The following MRAS variants were observed in gnomAD, a reference collection of about 807,000 sequenced individuals.
MRAS encodes the protein ras-related protein M-Ras.
A neutral mutation model predicts 20.9 loss-of-function variants in MRAS; 4 were observed. The observed-to-expected ratio is 0.19, with a 90% confidence interval of 0.09 to 0.44. The LOEUF is 0.44. Among genes scored for constraint, MRAS ranks in the 20% least tolerant of loss-of-function variants. The pLI is 0.99. For missense variants in MRAS, 154 were observed against 277.5 expected (o/e 0.56, Z 3.16); for synonymous variants, 98 against 102.9 (o/e 0.95, Z 0.29).
At chr3:138,402,098 AG>A in intron 5 of MRAS, 71 bp from the exon 6 acceptor site, 2 of 1,407,974 alleles carry the variant, frequency 1.4e-6, no homozygotes, top group Non-Finnish European at 2.0e-6. Context: ...ATCTGGGGCT[AG>A]GGAGGAGAGG....
intron 1 of MRAS, among the ~76,000 whole-genome samples, chr3:138,355,775 A>G (rs1259567569): frequency 1.3e-5 from 2 of 152,196 alleles, no homozygotes; most frequent in Non-Finnish European, 2.9e-5. Context: ...TACTAAAAAT[A>G]TAAAACTTAG....
chr3:138,398,527 A>C lies in MRAS; in HGVS notation c.406A>C (p.Ile136Leu). The C allele has an allele frequency of 6.2e-6, 10 of 1,614,214 alleles. No homozygotes were observed. The highest frequency in any genetic ancestry group is 6.8e-6 in the Non-Finnish European group (8 of 1,180,038). The change falls in exon 4 of 6, where the codon ATC becomes CTC. Residue 136 changes from isoleucine (I) to leucine (L), a missense_variant. By Grantham distance (5) the Ile-to-Leu change is conservative (BLOSUM62 2). Around this residue, in one of 3 missense-constraint regions of MRAS, gnomAD observed 125 missense variants for 213.5 expected, o/e 0.59. Coordinates refer to ENST00000423968, the MANE Select transcript of MRAS (RefSeq NM_001085049.3). ...NKVDLMHLRK[I>L]TREQGKEMAT... ...GGTCGATTTGATGCACTTGAGGAAG[A>C]TCACCAGGGAGCAAGGAAAAGAAAT... is the stretch of plus-strand genomic sequence containing the variant.
intron 2 of MRAS, among the ~76,000 whole-genome samples, chr3:138,393,188 A>G (rs2055165498): frequency 6.6e-6 from 1 of 152,222 alleles, no homozygotes; most frequent in Admixed American, 6.5e-5. Flanking sequence ...ATTATCATCT[A>G]TTCTCTTCAA....
rs147302118 is a variant in MRAS, at chr3:138,351,823, C to T, written c.-19+3056C>T. On this transcript the variant is annotated intron_variant, in intron 1 of 5. Transcript: ENST00000423968. ...GTTTTGTCTTCTTGAGTCACAGCCT[C>T]TTTAATATGTTGATGAGAAGCCCAG... is the stretch of plus-strand genomic sequence containing the variant. Among the ~76,000 whole-genome samples the T allele has an allele frequency of 2.5e-4, 38 of 152,220 alleles. No individual in the cohort carries two copies. In the East Asian group the frequency reaches 7.0e-3, roughly 28 times the overall value.
intron 2 of MRAS, among the ~76,000 whole-genome samples, chr3:138,394,473 G>A (rs1576384260): frequency 6.6e-6 from 1 of 152,144 alleles, no homozygotes; most frequent in African/African-American, 2.4e-5. Context: ...ACTGTGTAAA[G>A]GTGCCTGTCT....
chr3:138,363,108 C>T (rs2054484580), intron 1 of MRAS, among the ~76,000 whole-genome samples: 1 of 151,872 alleles, frequency 6.6e-6, no homozygotes, highest in Non-Finnish European at 1.5e-5. Context: ...ATGATCTCGG[C>T]CCACAGCAAC....
intron 1 of MRAS, among the ~76,000 whole-genome samples, chr3:138,371,850 C>T (rs988913055): frequency 2.6e-5 from 4 of 152,162 alleles, no homozygotes; most frequent in African/African-American, 9.7e-5. Context: ...ACCACAGATC[C>T]TGGTTTCCCT....
chr3:138,386,545 G>A (rs748257426), intron 2 of MRAS, among the ~76,000 whole-genome samples: 4 of 152,104 alleles, frequency 2.6e-5, no homozygotes, highest in Non-Finnish European at 4.4e-5. Context: ...GTGCAGTGGC[G>A]TGACCTTGGC....
chr3:138,357,431 G>A (rs183409384), intron 1 of MRAS, among the ~76,000 whole-genome samples: 180 of 152,338 alleles, frequency 1.2e-3, no homozygotes, highest in Non-Finnish European at 1.5e-3. Flanking sequence ...TCTGTAATGG[G>A]AGTATCCCAG....
intron 1 of MRAS, among the ~76,000 whole-genome samples, chr3:138,356,113 G>A (rs1004625655): frequency 1.3e-5 from 2 of 152,222 alleles, no homozygotes; most frequent in African/African-American, 2.4e-5. Context: ...GTGCCTATGA[G>A]ATTATGTGGA....
At chr3:138,385,388 C>T (rs2054990377) in intron 2 of MRAS, among the ~76,000 whole-genome samples, 1 of 150,974 alleles carries the variant, frequency 6.6e-6, no homozygotes, top group Non-Finnish European at 1.5e-5. Flanking sequence ...CTCAAGTGAT[C>T]CTCCCAGCTC....
At chr3:138,351,428 T>C (rs2054225123) in intron 1 of MRAS, among the ~76,000 whole-genome samples, 1 of 151,922 alleles carries the variant, frequency 6.6e-6, no homozygotes, top group African/African-American at 2.4e-5. Context: ...TGGAGACAGG[T>C]AAAAAAGGAG....
chr3:138,386,276 C>A (rs192592381), intron 2 of MRAS, among the ~76,000 whole-genome samples: 12 of 152,102 alleles, frequency 7.9e-5, no homozygotes, highest in Non-Finnish European at 1.2e-4. Flanking sequence ...CATTCTCCCC[C>A]CTCCTCAGTC....
chr3:138,361,230 C>G (rs1245638982), intron 1 of MRAS, among the ~76,000 whole-genome samples: 1 of 152,146 alleles, frequency 6.6e-6, no homozygotes. Context: ...GGACACCAGA[C>G]CAGGAATCAG....
intron 2 of MRAS, among the ~76,000 whole-genome samples, chr3:138,385,732 C>G (rs2054997882): frequency 6.6e-6 from 1 of 152,172 alleles, no homozygotes; most frequent in African/African-American, 2.4e-5. Context: ...CCAGGCTGGT[C>G]TCGAACTCCT....
intron 4 of MRAS, 79 bp from the exon 5 acceptor site, chr3:138,400,455 C>A: frequency 7.3e-7 from 1 of 1,362,020 alleles, no homozygotes; most frequent in Non-Finnish European, 1.0e-6. Flanking sequence ...TTCCTCAGAA[C>A]CTCTGGGCAT....
Position 138,398,480 on chromosome 3 carries a change from C to T in MRAS, c.359C>T (p.Pro120Leu), listed in dbSNP as rs2055287972. Residue 120 changes from proline (P) to leucine (L), a missense_variant, in exon 4 of 6, where the codon CCG (proline) becomes CTG (leucine). Physicochemically the swap from Pro to Leu is moderately conservative, Grantham distance 98 (BLOSUM62 -3). This residue lies in a region of MRAS where 125 missense variants were observed against 213.5 expected (regional missense o/e 0.59). Coordinates refer to ENST00000423968, the MANE Select transcript of MRAS (RefSeq NM_001085049.3). The part of the protein sequence containing the change: ...ILRVKDRESF[P>L]MILVANKVDL... ...CCTTTATTTCCCAGGGAGTCATTCCCGATGATCCTCGTGGCCAACAAGGTC... is the reference window on the plus strand; with the variant it reads ...CCTTTATTTCCCAGGGAGTCATTCCTGATGATCCTCGTGGCCAACAAGGTC... 2.5e-6 allele frequency: 4 copies of T among 1,613,914 alleles called. No individual in the cohort carries two copies. The highest frequency in any genetic ancestry group is 1.1e-5 in the South Asian group (1 of 91,076).
chr3:138,348,595 G>C lies in MRAS; in HGVS notation c.-191G>C, dbSNP rs922953696. 9.2e-5 allele frequency: 14 copies of C among 151,894 alleles called. No homozygotes were observed. Among genetic ancestry groups the C allele is most frequent in the Non-Finnish European group, 1.9e-4 (13 of 67,992 alleles). 9.4% of individuals were successfully genotyped at this position (151,894 alleles called of 1,614,324 possible). A position where few individuals can be genotyped will look rare whatever the true frequency, so the allele number is the denominator to read the frequency against. On this transcript the variant is annotated 5_prime_UTR_variant, in exon 1 of 6. Coordinates refer to ENST00000423968, the MANE Select transcript of MRAS (RefSeq NM_001085049.3). ...TAGGCGCTCGGGGCGCACGCTGGCG[G>C]CGCGGTCGCTTTAAGGAGGCGCCGG...
In MRAS at chr3:138,372,866, G is replaced by A. The variant is rs772709963; in HGVS notation, c.-18G>A. The A allele has an allele frequency of 1.3e-5, 20 of 1,518,376 alleles. No homozygotes were observed. The South Asian group carries it at 1.9e-4, about 14-fold the overall frequency. The allele number at this position is 1,518,376 out of a possible 1,614,324, so 94.1% of individuals were successfully genotyped here. A position where few individuals can be genotyped will look rare whatever the true frequency, so the allele number is the denominator to read the frequency against. ...CATTCCACATGTCTTGCTGCCGCAG[G>A]TCTGACCTACGAGAAACATGGCAAC... On this transcript the variant is annotated splice_region_variant and 5_prime_UTR_variant, in exon 2 of 6. Coordinates refer to ENST00000423968, the MANE Select transcript of MRAS (RefSeq NM_001085049.3).
Sources: gnomAD v4.1 joint callset for allele counts (sites outside exome capture counted in the v4.1 genomes callset) on GRCh38, gnomAD v4.1.1 for gene constraint, gnomAD v4.1.1 regional missense constraint, MANE v1.5 for transcripts, NCBI Gene and HGNC (gene_info 2026-07-23, HGNC 2026-07-21) for gene names.